SLC25A48: variants seen among roughly 807,000 people sequenced by gnomAD.
SLC25A48 encodes CTC-321K16.1.
In SLC25A48, 29 loss-of-function variants were observed where a neutral mutation model predicts 32.2. The observed-to-expected ratio is 0.90, with a 90% CI of 0.67 to 1.23. SLC25A48 has a LOEUF of 1.23. Ranked by LOEUF, SLC25A48 falls within the 50% of genes most tolerant of loss-of-function variation. The pLI is 0.00. For synonymous variants in SLC25A48, 164 were observed against 172.3 expected (o/e 0.95, Z 0.38); for missense variants, 399 against 422.7 (o/e 0.94, Z 0.49).
rs145880104 is a variant in SLC25A48, at chr5:135,699,572, G to A, written c.-521+64616G>A. On this transcript the variant is annotated intron_variant, in intron 3 of 10. Transcript: ENST00000646290. The stretch of plus-strand genomic sequence containing the variant: ...AAAAGGGCACGAGGGAACTTCCAGG[G>A]TGACTGGAAATTGGGTCTGTACAAT... Among the ~76,000 whole-genome samples, 374 of 152,354 alleles carry A rather than the reference G, an allele frequency of 2.5e-3. 3 individuals carry two copies. Among genetic ancestry groups the A allele is most frequent in the African/African-American group, 8.6e-3 (358 of 41,586 alleles).
intron 4 of SLC25A48, among the ~76,000 whole-genome samples, chr5:135,822,408 C>T (rs1400799748): frequency 6.6e-6 from 1 of 152,188 alleles, no homozygotes; most frequent in Non-Finnish European, 1.5e-5. Context: ...AAGGTGTCGG[C>T]AGAGTTGTTT....
At chr5:135,813,325 G>A (rs1757636633) in intron 4 of SLC25A48, among the ~76,000 whole-genome samples, 1 of 152,182 alleles carries the variant, frequency 6.6e-6, no homozygotes. Context: ...TTGAAAGTTG[G>A]GACCAGCTGA....
At chr5:135,814,062 TC>T (rs1177112614) in intron 4 of SLC25A48, among the ~76,000 whole-genome samples, 2 of 152,050 alleles carry the variant, frequency 1.3e-5, no homozygotes, top group Admixed American at 6.5e-5. Context: ...GGGGATATTT[TC>T]CCCCCATCAT....
At chr5:135,821,580 C>T (rs745582921) in intron 4 of SLC25A48, 1 of 152,270 alleles carries the variant, frequency 6.6e-6, no homozygotes, top group African/African-American at 2.4e-5. Context: ...TCATGAAGAA[C>T]TGATCAGATT....
chr5:135,684,309 T>C (rs774800922), intron 3 of SLC25A48, among the ~76,000 whole-genome samples: 1 of 152,132 alleles, frequency 6.6e-6, no homozygotes, highest in Non-Finnish European at 1.5e-5. Flanking sequence ...TCCCCCTTTT[T>C]TTTCCTCCAC....
chr5:135,681,920 T>C (rs912758624), intron 3 of SLC25A48, among the ~76,000 whole-genome samples: 2 of 152,148 alleles, frequency 1.3e-5, no homozygotes, highest in African/African-American at 4.8e-5. Context: ...TACATGATGA[T>C]TGATGATTGT....
intron 4 of SLC25A48, among the ~76,000 whole-genome samples, chr5:135,822,751 T>C (rs1172656229): frequency 6.6e-6 from 1 of 152,168 alleles, no homozygotes; most frequent in Non-Finnish European, 1.5e-5. Flanking sequence ...AACATATAAT[T>C]CACAGCGAAC....
intron 3 of SLC25A48, among the ~76,000 whole-genome samples, chr5:135,741,417 T>C: frequency 6.6e-6 from 1 of 152,152 alleles, no homozygotes. Context: ...AAGGATCATA[T>C]GTTGGTACTT....
chr5:135,805,600 A>C (rs1757445267), intron 3 of SLC25A48, among the ~76,000 whole-genome samples: 1 of 151,658 alleles, frequency 6.6e-6, no homozygotes, highest in Non-Finnish European at 1.5e-5. Context: ...GTATGTGTAC[A>C]CACTGTGATA....
chr5:135,672,495 C>A (rs1474587151), intron 3 of SLC25A48, among the ~76,000 whole-genome samples: 1 of 152,194 alleles, frequency 6.6e-6, no homozygotes, highest in South Asian at 2.1e-4. Context: ...GACTGCTGCT[C>A]AAACCCATGG....
intron 3 of SLC25A48, among the ~76,000 whole-genome samples, chr5:135,784,764 A>G (rs1580875538): frequency 8.4e-6 from 1 of 118,390 alleles, no homozygotes; most frequent in East Asian, 2.1e-4. Flanking sequence ...GACCCAGTGT[A>G]CACCCCCTCT....
chr5:135,884,563 T>C (rs1290488790), intron 7 of SLC25A48, among the ~76,000 whole-genome samples: 1 of 152,050 alleles, frequency 6.6e-6, no homozygotes, highest in African/African-American at 2.4e-5. Context: ...TTCTGGTGCA[T>C]TGGAGAGGCT....
chr5:135,698,919 C>G (rs893307475), intron 3 of SLC25A48, among the ~76,000 whole-genome samples: 2 of 152,096 alleles, frequency 1.3e-5, no homozygotes, highest in African/African-American at 4.8e-5. Flanking sequence ...ATGTGAATGG[C>G]CAATGCACTC....
intron 3 of SLC25A48, among the ~76,000 whole-genome samples, chr5:135,637,478 G>A (rs1752732450): frequency 1.3e-5 from 2 of 152,176 alleles, no homozygotes; most frequent in Non-Finnish European, 2.9e-5. Context: ...GCCAATCAGG[G>A]AAAACTGGAT....
intron 3 of SLC25A48, among the ~76,000 whole-genome samples, chr5:135,797,552 T>C (rs1017641179): frequency 6.6e-6 from 1 of 151,940 alleles, no homozygotes; most frequent in African/African-American, 2.4e-5. Flanking sequence ...CTTTCAATAT[T>C]GCAGATGGTA....
At chr5:135,839,376 T>G (rs1758806573) in intron 1 of SLC25A48, among the ~76,000 whole-genome samples, 1 of 152,202 alleles carries the variant, frequency 6.6e-6, no homozygotes, top group African/African-American at 2.4e-5. Context: ...CCCACTGGAT[T>G]TCAGACTTGC....
At chr5:135,701,271 G>A (rs1049267040) in intron 3 of SLC25A48, among the ~76,000 whole-genome samples, 1 of 152,128 alleles carries the variant, frequency 6.6e-6, no homozygotes, top group African/African-American at 2.4e-5. Context: ...GGGAACCAAA[G>A]CTTCAGTGAC....
chr5:135,828,094 T>G (rs766450418), intron 4 of SLC25A48, among the ~76,000 whole-genome samples: 8 of 152,298 alleles, frequency 5.3e-5, no homozygotes, highest in Admixed American at 6.5e-5. Context: ...CCCCTGCTCA[T>G]GGGGATGAAG....
chr5:135,873,268 C>G (rs1761802860), intron 5 of SLC25A48, among the ~76,000 whole-genome samples: 1 of 152,176 alleles, frequency 6.6e-6, no homozygotes, highest in Non-Finnish European at 1.5e-5. Context: ...ACCAGTTGCC[C>G]TGGACTTTAA....
Sources: gnomAD v4.1 joint callset for allele counts (sites outside exome capture counted in the v4.1 genomes callset) on GRCh38, gnomAD v4.1.1 for gene constraint, MANE v1.5 for transcripts, NCBI Gene and HGNC (gene_info 2026-07-23, HGNC 2026-07-21) for gene names.